The following LGSN variants were observed in gnomAD, a reference collection of about 807,000 sequenced individuals.
The protein encoded by LGSN is lengsin, lens protein with glutamine synthetase domain, also known as lengsin.
A neutral mutation model predicts 19.5 loss-of-function variants in LGSN; 21 were observed. The observed-to-expected ratio is 1.07, with a 90% CI of 0.76 to 1.55. The LOEUF (loss-of-function observed/expected upper bound fraction) is 1.55, where lower values mean the gene tolerates loss of function less well. LGSN is among the 40% of genes most tolerant of loss of function. The probability of loss-of-function intolerance (pLI) is 0.00; values close to 1 mark genes in which losing one functional copy is unlikely to be tolerated. For missense variants in LGSN, 673 were observed against 608.5 expected (o/e 1.11, Z -1.12); for synonymous variants, 257 against 215.6 (o/e 1.19, Z -1.68).
chr6:63,509,083 T>C, the LGSN span, among the ~76,000 whole-genome samples: 1 of 151,640 alleles, frequency 6.6e-6, no homozygotes, highest in Non-Finnish European at 1.5e-5. Flanking sequence ...CTTTTTTTTT[T>C]TGAGTCAGTC....
chr6:63,505,433 C>T, the LGSN span, among the ~76,000 whole-genome samples: 2 of 150,802 alleles, frequency 1.3e-5, no homozygotes, highest in Non-Finnish European at 3.0e-5. Context: ...CAAAAATTAG[C>T]CAGGTGTGGC....
the LGSN span, among the ~76,000 whole-genome samples, chr6:63,353,167 C>T: frequency 2.0e-5 from 3 of 151,970 alleles, no homozygotes; most frequent in African/African-American, 7.3e-5. Context: ...GGTTGGAAAC[C>T]AGAGAGTAGC....
the LGSN span, among the ~76,000 whole-genome samples, chr6:63,394,406 T>C: frequency 6.6e-6 from 1 of 152,202 alleles, no homozygotes; most frequent in Non-Finnish European, 1.5e-5. Flanking sequence ...TTATAATGCA[T>C]TGGCATGCTA....
the LGSN span, among the ~76,000 whole-genome samples, chr6:63,471,162 G>A: frequency 6.7e-6 from 1 of 149,890 alleles, no homozygotes; most frequent in African/African-American, 2.5e-5. Context: ...GTTTTTAGTA[G>A]AGACAGGGTT....
the LGSN span, among the ~76,000 whole-genome samples, chr6:63,556,588 A>G: frequency 6.6e-6 from 1 of 152,230 alleles, no homozygotes; most frequent in Non-Finnish European, 1.5e-5. Context: ...TAATGGGAGG[A>G]TGATACCACA....
At chr6:63,530,854 A>T in the LGSN span, among the ~76,000 whole-genome samples, 494 of 152,280 alleles carry the variant, frequency 3.2e-3, 1 homozygote, top group African/African-American at 0.011. Flanking sequence ...AAACATCCAA[A>T]TTGATACTTT....
At chr6:63,512,492 T>C in the LGSN span, among the ~76,000 whole-genome samples, 1 of 152,208 alleles carries the variant, frequency 6.6e-6, no homozygotes, top group Non-Finnish European at 1.5e-5. Flanking sequence ...ATCATTATCT[T>C]CCATGCCCCA....
the LGSN span, among the ~76,000 whole-genome samples, chr6:63,437,111 AAGAAAGGGAGAAGGAAAAGAAAGAAAGG>A: frequency 0.45 from 60,579 of 133,792 alleles, 14,506 homozygotes; most frequent in Middle Eastern, 0.53. Flanking sequence ...GGAGAAGGAA[AAGAAAGGGAGAAGGAAAAGAAAGAAAGG>A]AGAAAGAAAG....
At chr6:63,323,981 C>T (rs905102333), upstream of LGSN, among the ~76,000 whole-genome samples, 2 of 151,988 alleles carry the variant, frequency 1.3e-5, no homozygotes, top group Non-Finnish European at 2.9e-5. Context: ...CCATGTTGGC[C>T]AGGCTGGTCT....
the LGSN span, among the ~76,000 whole-genome samples, chr6:63,366,879 C>T: frequency 3.3e-5 from 5 of 150,564 alleles, no homozygotes; most frequent in Non-Finnish European, 7.4e-5. Flanking sequence ...GGAGAACTGG[C>T]TAGCCATATG....
chr6:63,517,891 C>A, the LGSN span, among the ~76,000 whole-genome samples: 1 of 152,116 alleles, frequency 6.6e-6, no homozygotes, highest in African/African-American at 2.4e-5. Flanking sequence ...TGGTGGCTCA[C>A]GCCTGCAATC....
the LGSN span, among the ~76,000 whole-genome samples, chr6:63,547,498 ATTTTTTTTTTTTT>A: frequency 2.2e-5 from 2 of 90,790 alleles, no homozygotes; most frequent in Non-Finnish European, 4.5e-5. Flanking sequence ...CCAGGGGGGA[ATTTTTTTTTTTTT>A]TTTTTTTTTT....
chr6:63,478,583 G>T, the LGSN span, among the ~76,000 whole-genome samples: 3 of 152,176 alleles, frequency 2.0e-5, no homozygotes, highest in African/African-American at 7.2e-5. Context: ...GAAGTATTCT[G>T]AGGAACAAAG....
the LGSN span, among the ~76,000 whole-genome samples, chr6:63,540,552 C>T: frequency 4.9e-3 from 746 of 151,966 alleles, 4 homozygotes; most frequent in Non-Finnish European, 7.7e-3. Context: ...ACCCAGGAGG[C>T]GGAGGTTGCA....
chr6:63,480,795 T>C, the LGSN span, among the ~76,000 whole-genome samples: 2 of 146,578 alleles, frequency 1.4e-5, no homozygotes, highest in East Asian at 2.0e-4. Flanking sequence ...TCTTGGTATC[T>C]ACCCAAAGGA....
chr6:63,387,443 T>C, the LGSN span, among the ~76,000 whole-genome samples: 5 of 152,220 alleles, frequency 3.3e-5, no homozygotes, highest in African/African-American at 1.2e-4. Flanking sequence ...TAAGAGATTA[T>C]ATAAAGTATA....
the LGSN span, among the ~76,000 whole-genome samples, chr6:63,503,633 G>A: frequency 2.6e-5 from 4 of 152,234 alleles, no homozygotes; most frequent in East Asian, 7.7e-4. Flanking sequence ...ATGGTAACAA[G>A]GCCAGGCACA....
intron 3 of LGSN, among the ~76,000 whole-genome samples, chr6:63,281,526 C>T (rs1264819679): frequency 1.3e-5 from 2 of 151,304 alleles, no homozygotes; most frequent in South Asian, 2.1e-4. Context: ...AAAGAAAATC[C>T]GTTACAGCAA....
chr6:63,499,500 C>A, the LGSN span, among the ~76,000 whole-genome samples: 1 of 152,022 alleles, frequency 6.6e-6, no homozygotes, highest in Non-Finnish European at 1.5e-5. Context: ...GTTTTTCAAT[C>A]CCTTTTATTT....
Sources: allele counts gnomAD v4.1 joint callset (sites outside exome capture counted in the v4.1 genomes callset), GRCh38; gene constraint gnomAD v4.1.1; transcripts MANE v1.5; gene names NCBI Gene and HGNC (gene_info 2026-07-23, HGNC 2026-07-21).